FRMD3: variants seen among roughly 807,000 people sequenced by gnomAD.
FRMD3 encodes the protein FERM domain containing 3.
A neutral mutation model predicts 70.2 loss-of-function variants in FRMD3; 33 were observed. The observed-to-expected ratio is 0.47, with a 90% CI of 0.36 to 0.63. The LOEUF (loss-of-function observed/expected upper bound fraction) is 0.63. Ranked by LOEUF, FRMD3 falls within the 20% of genes least tolerant of loss-of-function variation. The probability of loss-of-function intolerance (pLI) is 0.00; values close to 1 mark genes in which losing one functional copy is unlikely to be tolerated. For synonymous variants in FRMD3, 279 were observed against 255.9 expected, an observed-to-expected ratio of 1.09 and a Z score of -0.86; for missense variants, 632 against 711.4, an observed-to-expected ratio of 0.89 and a Z score of 1.27.
At chr9:83,287,836 T>A (rs1405163399) in intron 13 of FRMD3, among the ~76,000 whole-genome samples, 1 of 152,196 alleles carries the variant, frequency 6.6e-6, no homozygotes, top group East Asian at 1.9e-4. Flanking sequence ...GAGGCAGAAC[T>A]TTGTCATCGC....
chr9:83,261,292 A>G (rs1832980534), intron 13 of FRMD3, among the ~76,000 whole-genome samples: 1 of 152,130 alleles, frequency 6.6e-6, no homozygotes, highest in African/African-American at 2.4e-5. Context: ...TCATCCTTGC[A>G]GACTAAACTC....
intron 6 of FRMD3, among the ~76,000 whole-genome samples, chr9:83,329,818 G>A (rs1836181118): frequency 6.6e-6 from 1 of 152,134 alleles, no homozygotes. Flanking sequence ...TATGACTGAA[G>A]TTAATGCAAA....
chr9:83,551,807 G>C, the FRMD3 span, among the ~76,000 whole-genome samples: 1 of 151,964 alleles, frequency 6.6e-6, no homozygotes, highest in Non-Finnish European at 1.5e-5. Context: ...ATTTCTGTGA[G>C]GTCAGTAGTA....
intron 10 of FRMD3, among the ~76,000 whole-genome samples, chr9:83,303,176 C>T (rs1834990928): frequency 1.3e-5 from 2 of 152,302 alleles, no homozygotes; most frequent in South Asian, 4.1e-4. Flanking sequence ...CCTGGAGTAA[C>T]CATAACAATA....
chr9:83,341,594 A>G (rs1823759856), intron 5 of FRMD3, among the ~76,000 whole-genome samples: 1 of 152,096 alleles, frequency 6.6e-6, no homozygotes, highest in African/African-American at 2.4e-5. Flanking sequence ...TATGGGATTT[A>G]CAGTCCTTTC....
chr9:83,324,636 A>G (rs1835938972), intron 6 of FRMD3, among the ~76,000 whole-genome samples: 1 of 152,222 alleles, frequency 6.6e-6, no homozygotes, highest in South Asian at 2.1e-4. Flanking sequence ...TAATAGATAC[A>G]TATGCAGAGC....
chr9:83,502,928 G>C (rs1829102343), intron 1 of FRMD3, among the ~76,000 whole-genome samples: 1 of 152,092 alleles, frequency 6.6e-6, no homozygotes, highest in African/African-American at 2.4e-5. Context: ...AGGAGAAACT[G>C]GGGTTCTGGA....
chr9:83,434,819 C>CCT (rs1827086409), intron 1 of FRMD3, among the ~76,000 whole-genome samples: 2 of 74,880 alleles, frequency 2.7e-5, no homozygotes, highest in Admixed American at 1.8e-4. Context: ...CACCCCTCTG[C>CCT]TTTTTTTTTT....
intron 10 of FRMD3, among the ~76,000 whole-genome samples, chr9:83,306,200 C>T (rs1835130895): frequency 6.6e-6 from 1 of 152,212 alleles, no homozygotes; most frequent in Non-Finnish European, 1.5e-5. Flanking sequence ...ATCTTCAAGG[C>T]TGTGCCAAAG....
At chr9:83,357,187 TATTATGTATATATATA>T in intron 3 of FRMD3, among the ~76,000 whole-genome samples, 2 of 132,566 alleles carry the variant, frequency 1.5e-5, no homozygotes, top group African/African-American at 2.7e-5. Context: ...ACATTATATA[TATTATGTATATATATA>T]ACATACATGG....
chr9:83,243,445 A>G (rs976400265), downstream of FRMD3, among the ~76,000 whole-genome samples: 6 of 152,112 alleles, frequency 3.9e-5, no homozygotes, highest in African/African-American at 1.4e-4. Context: ...GTCTTCCTCT[A>G]TTTGGCTAAG....
chr9:83,540,183 G>T (rs986416776), upstream of FRMD3, among the ~76,000 whole-genome samples: 3 of 152,162 alleles, frequency 2.0e-5, no homozygotes, highest in Admixed American at 1.3e-4. Context: ...GATGGGACCT[G>T]CCCCAAGTTG....
Position 83,527,960 on chromosome 9 carries a change from T to A in FRMD3, c.147+10125A>T, listed in dbSNP as rs557800452. Among the ~76,000 whole-genome samples the A allele has an allele frequency of 3.9e-5, 6 of 152,360 alleles. 1 individual carries two copies. Among genetic ancestry groups the A allele is most frequent in the African/African-American group, 1.4e-4 (6 of 41,588 alleles). On this transcript the variant is annotated intron_variant, in intron 1 of 13. Coordinates refer to ENST00000304195, the MANE Select transcript of FRMD3 (RefSeq NM_174938.6). ...CTCCCAATGCATAACACTTATGCCA[T>A]GTGAATCTCAGATTCTTATGCGATA... is the stretch of plus-strand genomic sequence containing the variant.
the FRMD3 span, among the ~76,000 whole-genome samples, chr9:83,573,947 G>C: frequency 6.6e-6 from 1 of 152,152 alleles, no homozygotes; most frequent in Non-Finnish European, 1.5e-5. Flanking sequence ...TTCCACCACT[G>C]TAAGCGTGTG....
At chr9:83,283,509 C>T (rs920811939) in intron 13 of FRMD3, among the ~76,000 whole-genome samples, 22 of 144,960 alleles carry the variant, frequency 1.5e-4, no homozygotes, top group Non-Finnish European at 2.4e-4. Flanking sequence ...CCAGCCTGGG[C>T]GACAGAGCGA....
At chr9:83,538,540 GCTCGCGACGCA>G (rs958578224), upstream of FRMD3, 5 of 245,668 alleles carry the variant, frequency 2.0e-5, no homozygotes, top group Non-Finnish European at 3.1e-5. The surrounding 1 kb of genome is among the most constrained non-coding windows in gnomAD (Gnocchi z 4.7). Flanking sequence ...CCCCCGGCGG[GCTCGCGACGCA>G]CTCACTCCCA....
intron 1 of FRMD3, among the ~76,000 whole-genome samples, chr9:83,450,925 G>A (rs137994492): frequency 6.6e-6 from 1 of 152,300 alleles, no homozygotes; most frequent in East Asian, 1.9e-4. Flanking sequence ...TGTAGGAAAT[G>A]AGGCTTTAAT....
chr9:83,411,521 G>A (rs970123885), intron 1 of FRMD3, among the ~76,000 whole-genome samples: 1 of 152,196 alleles, frequency 6.6e-6, no homozygotes, highest in African/African-American at 2.4e-5. Flanking sequence ...AAAGAAGGGA[G>A]GAGGTCCTCA....
chr9:83,551,840 T>C, the FRMD3 span, among the ~76,000 whole-genome samples: 2 of 152,138 alleles, frequency 1.3e-5, no homozygotes, highest in Non-Finnish European at 2.9e-5. Flanking sequence ...TCATTTCTAA[T>C]TGTGTTTATT....
Sources: gnomAD v4.1 joint callset for allele counts (sites outside exome capture counted in the v4.1 genomes callset) on GRCh38, gnomAD v4.1.1 for gene constraint, Gnocchi (gnomAD v3.1) non-coding constraint, MANE v1.5 for transcripts, NCBI Gene and HGNC (gene_info 2026-07-23, HGNC 2026-07-21) for gene names.